COBL: variants seen among roughly 807,000 people sequenced by gnomAD.
The protein encoded by COBL is cordon-bleu WH2 repeat protein, also known as protein cordon-bleu.
COBL carries 51 observed loss-of-function variants against 98.8 expected under a neutral mutation model. The ratio of observed to expected loss-of-function variants is 0.52; its 90% CI spans 0.41 to 0.65. The LOEUF is 0.65. Ranked by LOEUF, COBL falls within the 30% of genes least tolerant of loss-of-function variation. The probability of loss-of-function intolerance (pLI) is 0.00; values close to 1 mark genes in which losing one functional copy is unlikely to be tolerated. For missense variants in COBL, 1,617 were observed against 1,617.5 expected (o/e 1.00, Z 0.01); for synonymous variants, 634 against 651.7 (o/e 0.97, Z 0.41).
intron 1 of COBL, among the ~76,000 whole-genome samples, chr7:51,295,608 G>C (rs999808296): frequency 4.6e-5 from 7 of 152,124 alleles, no homozygotes; most frequent in Non-Finnish European, 7.4e-5. Context: ...ACGACATCCT[G>C]GAGACAAGGA....
At chr7:51,100,750 A>C (rs1320282207) in intron 6 of COBL, among the ~76,000 whole-genome samples, 1 of 152,144 alleles carries the variant, frequency 6.6e-6, no homozygotes, top group African/African-American at 2.4e-5. Context: ...AAAATACAAA[A>C]AAATTATCAG....
chr7:51,169,613 C>T (rs988248968), intron 5 of COBL, among the ~76,000 whole-genome samples: 1 of 152,120 alleles, frequency 6.6e-6, no homozygotes, highest in African/African-American at 2.4e-5. Flanking sequence ...AAGACAAATA[C>T]CACATGTTCT....
At chr7:51,234,702 GAAA>G (rs71021761) in intron 1 of COBL, among the ~76,000 whole-genome samples, 4 of 114,024 alleles carry the variant, frequency 3.5e-5, no homozygotes, top group Admixed American at 1.9e-4. Flanking sequence ...CCCTGTTTCA[GAAA>G]AAAAAAAAAA....
chr7:51,151,430 C>G (rs564061634), intron 5 of COBL, among the ~76,000 whole-genome samples: 1 of 152,208 alleles, frequency 6.6e-6, no homozygotes, highest in African/African-American at 2.4e-5. Flanking sequence ...GAAATCTGCC[C>G]CCACTCTGGC....
Position 51,185,468 on chromosome 7 carries a change from A to C in COBL, c.686-1269T>G, listed in dbSNP as rs561419460. Among the ~76,000 whole-genome samples the C allele has an allele frequency of 4.4e-4, 67 of 152,304 alleles. 1 individual carries two copies. The highest frequency in any genetic ancestry group is 1.5e-3 in the African/African-American group (64 of 41,566). ...CAGCTTCATCTGCAGGTTGAGGGTGAGTGCATCAAGCACGCAGACGGCACT... is the reference window on the plus strand; with the variant it reads ...CAGCTTCATCTGCAGGTTGAGGGTGCGTGCATCAAGCACGCAGACGGCACT... On this transcript the variant is annotated intron_variant, in intron 4 of 12. Transcript: ENST00000265136.
At chr7:51,309,192 T>G (rs1802778395) in intron 1 of COBL, among the ~76,000 whole-genome samples, 1 of 152,108 alleles carries the variant, frequency 6.6e-6, no homozygotes, top group African/African-American at 2.4e-5. Context: ...AAGGACGATG[T>G]GATTATGGTT....
intron 2 of COBL, among the ~76,000 whole-genome samples, chr7:51,218,455 A>G (rs1009180553): frequency 2.0e-5 from 3 of 152,234 alleles, no homozygotes; most frequent in Admixed American, 6.5e-5. Context: ...AAACTGCTTC[A>G]TAAGAATAAA....
chr7:51,249,835 C>T (rs1796570101), intron 1 of COBL, among the ~76,000 whole-genome samples: 1 of 152,132 alleles, frequency 6.6e-6, no homozygotes, highest in Admixed American at 6.5e-5. Flanking sequence ...GAACATTTTT[C>T]AAACACCTGT....
At chr7:51,228,782 T>A (rs1794449088) in intron 1 of COBL, among the ~76,000 whole-genome samples, 1 of 152,190 alleles carries the variant, frequency 6.6e-6, no homozygotes, top group South Asian at 2.1e-4. Flanking sequence ...AGAAAGAGCC[T>A]GTCGGTGAGG....
intron 7 of COBL, among the ~76,000 whole-genome samples, chr7:51,047,685 A>G (rs997767839): frequency 1.8e-4 from 28 of 152,220 alleles, no homozygotes; most frequent in Non-Finnish European, 7.3e-5. Context: ...ATGAAAGAAA[A>G]GCTACCTCGC....
intron 1 of COBL, among the ~76,000 whole-genome samples, chr7:51,312,499 T>C (rs1803154584): frequency 6.6e-6 from 1 of 152,166 alleles, no homozygotes; most frequent in African/African-American, 2.4e-5. Flanking sequence ...GCAGATCAAT[T>C]ACAAAATTAA....
chr7:51,211,368 C>A (rs1468233296), intron 2 of COBL, among the ~76,000 whole-genome samples: 1 of 152,214 alleles, frequency 6.6e-6, no homozygotes. Flanking sequence ...CTGACTGCAT[C>A]CTCTGTGCCT....
intron 6 of COBL, among the ~76,000 whole-genome samples, chr7:51,116,004 C>A (rs186464409): frequency 2.0e-5 from 3 of 152,122 alleles, no homozygotes; most frequent in African/African-American, 7.2e-5. Flanking sequence ...GGCTATTTTA[C>A]CTGCTACCCA....
At chr7:51,118,843 T>C (rs891190368) in intron 6 of COBL, among the ~76,000 whole-genome samples, 4 of 152,190 alleles carry the variant, frequency 2.6e-5, no homozygotes, top group South Asian at 2.1e-4. Flanking sequence ...TCTACACTGC[T>C]GGAGCAGGCT....
At chr7:51,183,671 C>G (rs932554555) in intron 5 of COBL, among the ~76,000 whole-genome samples, 2 of 152,258 alleles carry the variant, frequency 1.3e-5, no homozygotes, top group Admixed American at 6.5e-5. Flanking sequence ...GACTGATACT[C>G]TTCTCTGCCA....
At chr7:51,251,223 G>C (rs935216937) in intron 1 of COBL, among the ~76,000 whole-genome samples, 2 of 152,176 alleles carry the variant, frequency 1.3e-5, no homozygotes, top group Non-Finnish European at 2.9e-5. Flanking sequence ...CCAAGAGAAT[G>C]TATATGACAT....
Position 51,219,885 on chromosome 7 carries a change from T to C in COBL, c.101A>G (p.His34Arg). The C allele has an allele frequency of 6.2e-7, 1 of 1,613,116 alleles. No individual in the cohort carries two copies. The highest frequency in any genetic ancestry group is 8.5e-7 in the Non-Finnish European group (1 of 1,180,010). Residue 34 changes from histidine (H) to arginine (R), a missense_variant, in exon 2 of 13, where the codon CAC becomes CGC. Coordinates refer to ENST00000265136, the MANE Select transcript of COBL (RefSeq NM_015198.5). The part of the protein sequence containing the change: ...PPGKAATLHV[H>R]SDQKPPHDGA... ...ATCGTGGGGGGGCTTCTGGTCACTG[T>C]GCACATGCAGAGTGGCAGCCTTTCC...
intron 6 of COBL, among the ~76,000 whole-genome samples, chr7:51,121,519 A>G (rs555288659): frequency 1.3e-5 from 2 of 152,310 alleles, no homozygotes; most frequent in East Asian, 3.9e-4. Context: ...CTTTGCAGAT[A>G]CTAAAATTTT....
chr7:51,244,817 T>C (rs1796145409), intron 1 of COBL, among the ~76,000 whole-genome samples: 1 of 152,126 alleles, frequency 6.6e-6, no homozygotes, highest in Admixed American at 6.5e-5. Flanking sequence ...CAACATGTTC[T>C]TGTCCTGGGC....
Sources: gnomAD v4.1 joint callset for allele counts (sites outside exome capture counted in the v4.1 genomes callset) on GRCh38, gnomAD v4.1.1 for gene constraint, MANE v1.5 for transcripts, NCBI Gene and HGNC (gene_info 2026-07-23, HGNC 2026-07-21) for gene names.